The following ANKRD45 variants were observed in gnomAD, a reference collection of about 807,000 sequenced individuals.
ANKRD45 encodes ankyrin repeat domain 45.
A neutral mutation model predicts 28.1 loss-of-function variants in ANKRD45; 21 were observed. That is an observed-to-expected ratio of 0.75 (90% CI 0.53 to 1.08). The LOEUF (loss-of-function observed/expected upper bound fraction) is 1.08. Among genes scored for constraint, ANKRD45 ranks in the 50% least tolerant of loss-of-function variants. The pLI, the probability that ANKRD45 is intolerant of heterozygous loss-of-function variation, is 0.00. For missense variants in ANKRD45, 261 were observed against 308.7 expected, an observed-to-expected ratio of 0.85 and a Z score of 1.16; for synonymous variants, 86 against 103.9, an observed-to-expected ratio of 0.83 and a Z score of 1.05.
chr1:173,693,110 C>G, the ANKRD45 span, among the ~76,000 whole-genome samples: 1 of 152,072 alleles, frequency 6.6e-6, no homozygotes, highest in African/African-American at 2.4e-5. Context: ...ACCAGCCTGG[C>G]CAACAATGGT....
At chr1:173,711,853 C>CA in the ANKRD45 span, among the ~76,000 whole-genome samples, 1 of 152,084 alleles carries the variant, frequency 6.6e-6, no homozygotes, top group Non-Finnish European at 1.5e-5. Context: ...CAAAAAGAAA[C>CA]AGAGTAGCAG....
intron 5 of ANKRD45, among the ~76,000 whole-genome samples, chr1:173,611,621 A>T (rs59849315): frequency 0.24 from 27,087 of 110,652 alleles, 8,124 homozygotes; most frequent in African/African-American, 0.65. Flanking sequence ...ACACACACAC[A>T]ATAAAAATAT....
chr1:173,668,708 TAATC>T (rs1239542130), intron 1 of ANKRD45, among the ~76,000 whole-genome samples: 3 of 152,262 alleles, frequency 2.0e-5, no homozygotes, highest in East Asian at 1.9e-4. Context: ...TCTTTCCTAA[TAATC>T]AATAAGTAAA....
intron 1 of ANKRD45, chr1:173,669,555 G>C (rs1670172442): frequency 2.2e-6 from 1 of 454,640 alleles, no homozygotes. Context: ...GTCCCGCGAG[G>C]GGGCAACGGA....
the ANKRD45 span, among the ~76,000 whole-genome samples, chr1:173,702,462 G>C: frequency 6.6e-6 from 1 of 152,146 alleles, no homozygotes; most frequent in Non-Finnish European, 1.5e-5. Context: ...TGTTTATAAG[G>C]AGAAGAAAAG....
At position 173,659,443 on chromosome 1, in the gene ANKRD45, A is replaced by G; in HGVS notation, c.-15-10T>C. On this transcript the variant is annotated splice_polypyrimidine_tract_variant and intron_variant, in intron 1 of 5. Coordinates refer to ENST00000333279, the MANE Select transcript of ANKRD45 (RefSeq NM_198493.3). ...TTAACTCCAAAAATACCTATGACCA[A>G]AAAAATAAAAAAGTGATAAAAATCT... 1 of 1,496,018 alleles carries G rather than the reference A, an allele frequency of 6.7e-7. No homozygotes were observed. Among genetic ancestry groups the G allele is most frequent in the Non-Finnish European group, 8.9e-7 (1 of 1,123,938 alleles). The allele number at this position is 1,496,018 out of a possible 1,614,324, so 92.7% of individuals were successfully genotyped here.
chr1:173,626,275 A>G (rs1213189763), intron 4 of ANKRD45, among the ~76,000 whole-genome samples: 1 of 152,190 alleles, frequency 6.6e-6, no homozygotes, highest in Admixed American at 6.5e-5. Flanking sequence ...TTTAAAACCA[A>G]AACACATTTC....
intron 1 of ANKRD45, chr1:173,667,746 G>T: frequency 2.3e-6 from 1 of 426,592 alleles, no homozygotes; most frequent in East Asian, 7.2e-5. Flanking sequence ...CACTTGCAGA[G>T]TTTTGGTGCA....
Position 173,612,301 on chromosome 1 carries a change from AAAGAAGGAAGGAAGG to A in ANKRD45, c.731-2101_731-2087del, listed in dbSNP as rs1412778969. Among the ~76,000 whole-genome samples, 3 of 107,954 alleles carry A rather than the reference AAAGAAGGAAGGAAGG, an allele frequency of 2.8e-5. No homozygotes were observed. In the African/African-American group the frequency reaches 4.3e-4, roughly 15 times the overall value. 70.8% of individuals were successfully genotyped at this position (107,954 alleles called of 152,430 possible). A position where few individuals can be genotyped will look rare whatever the true frequency, so the allele number is the denominator to read the frequency against. On this transcript the variant is annotated intron_variant, in intron 5 of 5. Transcript: ENST00000333279. Reference sequence around the variant, plus strand: ...GGAGGAAGGAAAGAAGGAAAGAAGGAAAGAAGGAAGGAAGGAAAGAAGGAAGGAAGGAAGGAAGGA... The same window carrying A: ...GGAGGAAGGAAAGAAGGAAAGAAGGAAAAGAAGGAAGGAAGGAAGGAAGGA...
intron 2 of ANKRD45, among the ~76,000 whole-genome samples, chr1:173,656,708 C>A (rs981511059): frequency 5.3e-5 from 8 of 152,262 alleles, no homozygotes; most frequent in African/African-American, 1.9e-4. Flanking sequence ...ATTTCTCTTA[C>A]CCTTCTTACT....
intron 5 of ANKRD45, among the ~76,000 whole-genome samples, chr1:173,623,979 G>T (rs889156833): frequency 1.3e-5 from 2 of 151,400 alleles, no homozygotes; most frequent in African/African-American, 4.9e-5. Flanking sequence ...GCATCAGGAA[G>T]AATAGCTAAT....
At chr1:173,647,275 A>G (rs1276207789) in intron 2 of ANKRD45, among the ~76,000 whole-genome samples, 2 of 152,200 alleles carry the variant, frequency 1.3e-5, no homozygotes, top group African/African-American at 4.8e-5. Context: ...TCCCTGGCAA[A>G]CAGTAAATGA....
the ANKRD45 span, among the ~76,000 whole-genome samples, chr1:173,683,033 T>A: frequency 1.3e-5 from 2 of 152,156 alleles, no homozygotes; most frequent in East Asian, 1.9e-4. Flanking sequence ...TTGTTCCCCA[T>A]AATTTGGAAC....
the ANKRD45 span, among the ~76,000 whole-genome samples, chr1:173,713,021 C>T: frequency 6.6e-5 from 10 of 152,152 alleles, no homozygotes; most frequent in Admixed American, 2.0e-4. Context: ...ATGGACAAAT[C>T]TTACAAACAG....
the ANKRD45 span, among the ~76,000 whole-genome samples, chr1:173,694,545 T>TATC: frequency 9.3e-4 from 133 of 143,626 alleles, 1 homozygote; most frequent in East Asian, 0.021. Flanking sequence ...TTATTATTAT[T>TATC]ATTATTATTA....
chr1:173,697,119 A>G, the ANKRD45 span, among the ~76,000 whole-genome samples: 7 of 152,210 alleles, frequency 4.6e-5, no homozygotes, highest in African/African-American at 1.7e-4. Flanking sequence ...TTTAGAGAAA[A>G]AAGAGTAAAA....
the ANKRD45 span, among the ~76,000 whole-genome samples, chr1:173,707,746 C>T: frequency 2.0e-5 from 3 of 152,202 alleles, no homozygotes; most frequent in African/African-American, 7.2e-5. Flanking sequence ...AAGAACCAGC[C>T]TTCTAACTCC....
intron 2 of ANKRD45, chr1:173,658,176 T>C: frequency 5.9e-6 from 1 of 170,470 alleles, no homozygotes; most frequent in Non-Finnish European, 1.3e-5. Flanking sequence ...ATACAAAAAT[T>C]AGCCAGGCGT....
chr1:173,653,811 G>C (rs185051375), intron 2 of ANKRD45, among the ~76,000 whole-genome samples: 5 of 151,770 alleles, frequency 3.3e-5, no homozygotes, highest in Admixed American at 2.0e-4. Context: ...ATTTATGATA[G>C]TTAGCTCTTC....
Sources: gnomAD v4.1 joint callset for allele counts (sites outside exome capture counted in the v4.1 genomes callset) on GRCh38, gnomAD v4.1.1 for gene constraint, MANE v1.5 for transcripts, NCBI Gene and HGNC (gene_info 2026-07-23, HGNC 2026-07-21) for gene names.